Variants in ADAMTSL1 observed in about 807,000 individuals in gnomAD.
The protein encoded by ADAMTSL1 is ADAMTS-like protein 1.
ADAMTSL1 carries 126 observed loss-of-function variants against 201.8 expected under a neutral mutation model. The ratio of observed to expected loss-of-function variants is 0.62; its 90% confidence interval spans 0.54 to 0.72. The LOEUF (loss-of-function observed/expected upper bound fraction) is 0.72, where lower values mean the gene tolerates loss of function less well. ADAMTSL1 is among the 30% of genes least tolerant of loss of function. The pLI, the probability that ADAMTSL1 is intolerant of heterozygous loss-of-function variation, is 0.00. For synonymous variants in ADAMTSL1, 1,121 were observed against 903.4 expected (o/e 1.24, Z -4.32); for missense variants, 2,679 against 2,277.8 (o/e 1.18, Z -3.59).
chr9:18,349,870 G>A (rs774123778), intron 2 of ADAMTSL1, among the ~76,000 whole-genome samples: 10 of 150,696 alleles, frequency 6.6e-5, no homozygotes, highest in East Asian at 2.0e-4. Flanking sequence ...GGAAGCACAC[G>A]TCTGTTAGTT....
chr9:18,322,111 G>T (rs1461129779), intron 2 of ADAMTSL1, among the ~76,000 whole-genome samples: 2 of 152,056 alleles, frequency 1.3e-5, no homozygotes, highest in Non-Finnish European at 2.9e-5. Flanking sequence ...TAGAAATGGT[G>T]GAATGCAGCC....
intron 2 of ADAMTSL1, among the ~76,000 whole-genome samples, chr9:18,204,699 A>C (rs1563806276): frequency 1.3e-5 from 2 of 152,128 alleles, no homozygotes; most frequent in Non-Finnish European, 2.9e-5. Context: ...TATAGTGTTC[A>C]GAATGATGTG....
intron 23 of ADAMTSL1, among the ~76,000 whole-genome samples, chr9:18,881,458 A>G (rs1027660881): frequency 6.6e-6 from 1 of 152,224 alleles, no homozygotes; most frequent in African/African-American, 2.4e-5. Context: ...AGGAAGCAAG[A>G]TGGGCAAATG....
chr9:18,086,379 G>T (rs1473992973), intron 1 of ADAMTSL1, among the ~76,000 whole-genome samples: 1 of 151,966 alleles, frequency 6.6e-6, no homozygotes, highest in African/African-American at 2.4e-5. Flanking sequence ...TCCATTGCCT[G>T]TGCTTGGTAC....
intron 1 of ADAMTSL1, among the ~76,000 whole-genome samples, chr9:17,953,042 T>TG (rs1368495255): frequency 6.6e-6 from 1 of 151,694 alleles, no homozygotes; most frequent in Non-Finnish European, 1.5e-5. Flanking sequence ...AGTTTTTTTT[T>TG]TTTGGAATCA....
At chr9:18,366,627 A>ATTTTTTTTTTTTTT (rs772034324) in intron 2 of ADAMTSL1, among the ~76,000 whole-genome samples, 2 of 112,800 alleles carry the variant, frequency 1.8e-5, no homozygotes, top group African/African-American at 3.4e-5. Flanking sequence ...GAAATCACTA[A>ATTTTTTTTTTTTTT]TTTTTTTTTT....
At chr9:17,954,006 G>A (rs566364254) in intron 1 of ADAMTSL1, among the ~76,000 whole-genome samples, 55 of 152,256 alleles carry the variant, frequency 3.6e-4, no homozygotes, top group African/African-American at 1.3e-3. Flanking sequence ...TATTTAATAT[G>A]GCTTCTTCAT....
Position 18,504,721 on chromosome 9 carries a change from C to G in ADAMTSL1, c.64-108C>G, listed in dbSNP as rs551329951. The G allele has an allele frequency of 1.2e-3, 1,756 of 1,498,816 alleles. 7 individuals are homozygous for G. Among genetic ancestry groups the G allele is most frequent in the Non-Finnish European group, 1.3e-3 (1,455 of 1,084,704 alleles). The allele number at this position is 1,498,816 out of a possible 1,614,324, so 92.8% of individuals were successfully genotyped here. ...AGAATCTGATTGCGCGTTTTCATTCCTAGCAAAGCCACCATGTACACACAC... is the reference window on the plus strand; with the variant it reads ...AGAATCTGATTGCGCGTTTTCATTCGTAGCAAAGCCACCATGTACACACAC... On this transcript the variant is annotated intron_variant, in intron 1 of 28. Coordinates refer to ENST00000380548, the MANE Select transcript of ADAMTSL1 (RefSeq NM_001040272.6).
At chr9:18,300,957 T>C (rs1833686720) in intron 2 of ADAMTSL1, among the ~76,000 whole-genome samples, 1 of 152,142 alleles carries the variant, frequency 6.6e-6, no homozygotes, top group African/African-American at 2.4e-5. Context: ...GCCTATAGGT[T>C]CAAAAAAATT....
intron 2 of ADAMTSL1, among the ~76,000 whole-genome samples, chr9:18,164,678 C>T (rs1026375492): frequency 1.3e-5 from 2 of 151,558 alleles, no homozygotes; most frequent in Non-Finnish European, 2.9e-5. Flanking sequence ...TAGAGGATGC[C>T]GTATATACAA....
At position 18,410,381 on chromosome 9, in the gene ADAMTSL1, C is replaced by A. The variant is rs540985364; in HGVS notation, c.208-94448C>A. Among the ~76,000 whole-genome samples, 24 of 152,220 alleles carry A rather than the reference C, an allele frequency of 1.6e-4. No individual in the cohort carries two copies. In the East Asian group the frequency reaches 4.3e-3, roughly 27 times the overall value. The stretch of plus-strand genomic sequence containing the variant: ...TCCCCTGATGCTCTCCCACCCCCCA[C>A]AGCCCCCAACAGGTGCCCAGTGTGT... On this transcript the variant is annotated intron_variant, in intron 2 of 29. Coordinates refer to the ADAMTSL1 transcript ENST00000680146.
At chr9:18,781,584 T>C (rs991905490) in intron 19 of ADAMTSL1, among the ~76,000 whole-genome samples, 1 of 152,354 alleles carries the variant, frequency 6.6e-6, no homozygotes, top group East Asian at 1.9e-4. Context: ...GGGCTGTTGG[T>C]GACCTTTCCT....
chr9:18,541,855 A>G lies in ADAMTSL1; in HGVS notation c.237+8563A>G, dbSNP rs533271426. ...TGATATGCTCATAGCATGGAATGCT[A>G]TACAGTCATTAAAAAGATTAAGGTG... On this transcript the variant is annotated intron_variant, in intron 3 of 28. Transcript: ENST00000380548. Among the ~76,000 whole-genome samples the G allele has an allele frequency of 4.6e-4, 70 of 152,402 alleles. 2 individuals carry two copies. Among genetic ancestry groups the G allele is most frequent in the African/African-American group, 1.7e-3 (69 of 41,602 alleles).
At chr9:17,942,462 G>C (rs550756976) in intron 1 of ADAMTSL1, among the ~76,000 whole-genome samples, 6 of 152,134 alleles carry the variant, frequency 3.9e-5, no homozygotes, top group Admixed American at 2.6e-4. Context: ...AGCATCAAAC[G>C]CTTGAAGCTT....
intron 3 of ADAMTSL1, among the ~76,000 whole-genome samples, chr9:18,539,142 C>T (rs975012872): frequency 2.0e-5 from 3 of 152,098 alleles, no homozygotes; most frequent in East Asian, 3.9e-4. Flanking sequence ...TGCTACTTGC[C>T]AGGGCCATTT....
At chr9:18,518,044 A>G (rs1818467769) in intron 2 of ADAMTSL1, among the ~76,000 whole-genome samples, 1 of 151,942 alleles carries the variant, frequency 6.6e-6, no homozygotes, top group African/African-American at 2.4e-5. Context: ...CTCTCACGAA[A>G]TATTTGTAAA....
intron 1 of ADAMTSL1, among the ~76,000 whole-genome samples, chr9:17,908,274 G>A (rs1483155691): frequency 6.6e-6 from 1 of 152,170 alleles, no homozygotes; most frequent in Non-Finnish European, 1.5e-5. Flanking sequence ...AGCCATGGCT[G>A]CACAGTAGAA....
chr9:18,556,999 A>T (rs1821146928), intron 3 of ADAMTSL1, among the ~76,000 whole-genome samples: 1 of 151,940 alleles, frequency 6.6e-6, no homozygotes, highest in African/African-American at 2.4e-5. Flanking sequence ...TGTAGGAGGA[A>T]TTCTGATCTA....
intron 2 of ADAMTSL1, among the ~76,000 whole-genome samples, chr9:18,260,371 G>A (rs534319100): frequency 6.6e-6 from 1 of 152,366 alleles, no homozygotes; most frequent in East Asian, 1.9e-4. Flanking sequence ...AGCCCATAAA[G>A]ATTATTGCCT....
Sources: gnomAD v4.1 joint callset for allele counts (sites outside exome capture counted in the v4.1 genomes callset) on GRCh38, gnomAD v4.1.1 for gene constraint, MANE v1.5 for transcripts, NCBI Gene and HGNC (gene_info 2026-07-23, HGNC 2026-07-21) for gene names.